MACROD2: variants seen among roughly 807,000 people sequenced by gnomAD.
The protein encoded by MACROD2 is mono-ADP ribosylhydrolase 2.
A neutral mutation model predicts 70.4 loss-of-function variants in MACROD2; 36 were observed. The observed-to-expected ratio is 0.51, with a 90% CI of 0.39 to 0.68. The LOEUF (loss-of-function observed/expected upper bound fraction) is 0.68. Among genes scored for constraint, MACROD2 ranks in the 30% least tolerant of loss-of-function variants. The probability of loss-of-function intolerance (pLI) is 0.00; values close to 1 mark genes in which losing one functional copy is unlikely to be tolerated. For missense variants in MACROD2, 496 were observed against 538.4 expected, an observed-to-expected ratio of 0.92 and a Z score of 0.78; for synonymous variants, 172 against 178.8, an observed-to-expected ratio of 0.96 and a Z score of 0.30.
chr20:14,005,350 A>G (rs927968487), intron 2 of MACROD2, among the ~76,000 whole-genome samples: 14 of 152,212 alleles, frequency 9.2e-5, no homozygotes, highest in African/African-American at 3.4e-4. Context: ...GTTTATGTTC[A>G]TATTTATTAA....
At chr20:15,098,950 C>A (rs548290936) in intron 5 of MACROD2, among the ~76,000 whole-genome samples, 1 of 152,336 alleles carries the variant, frequency 6.6e-6, no homozygotes, top group Non-Finnish European at 1.5e-5. Context: ...GCCAGAGATT[C>A]ATTTTAGAGA....
chr20:13,995,543 G>C lies in MACROD2; in HGVS notation c.-221G>C, dbSNP rs1228484484. ...CAGGCTCTGAGGTGCTGCTGTGGCGGCGTCCGCGGGGCTGAGGCGGGTGGG... is the reference window on the plus strand; with the variant it reads ...CAGGCTCTGAGGTGCTGCTGTGGCGCCGTCCGCGGGGCTGAGGCGGGTGGG... On this transcript the variant is annotated 5_prime_UTR_variant, in exon 1 of 18. Coordinates refer to ENST00000684519, the MANE Select transcript of MACROD2 (RefSeq NM_001351661.2). This position sits in a 1 kb window ranked among gnomAD's most constrained non-coding sequence, Gnocchi z 4.3. 1.6e-6 allele frequency: 1 copy of C among 632,220 alleles called. No homozygotes were observed. The highest frequency in any genetic ancestry group is 1.8e-5 in the African/African-American group (1 of 55,068). The allele number at this position is 632,220 out of a possible 1,614,324, so 39.2% of individuals were successfully genotyped here. A position where few individuals can be genotyped will look rare whatever the true frequency, so the allele number is the denominator to read the frequency against.
chr20:14,594,344 T>G (rs981331490), intron 4 of MACROD2, among the ~76,000 whole-genome samples: 1 of 152,228 alleles, frequency 6.6e-6, no homozygotes, highest in Non-Finnish European at 1.5e-5. Context: ...TACAAGGCAT[T>G]TATGGTTTAT....
At chr20:15,918,730 A>T (rs2065356878) in intron 10 of MACROD2, among the ~76,000 whole-genome samples, 1 of 152,222 alleles carries the variant, frequency 6.6e-6, no homozygotes, top group South Asian at 2.1e-4. Context: ...TTGCTGTAAG[A>T]TTGTTCTCCT....
At chr20:14,838,197 C>T (rs1036148605) in intron 5 of MACROD2, among the ~76,000 whole-genome samples, 2 of 151,932 alleles carry the variant, frequency 1.3e-5, no homozygotes, top group African/African-American at 4.8e-5. Context: ...TGTCAGGAAC[C>T]ATTAAATTCA....
At chr20:14,015,480 A>G (rs1001646870) in intron 2 of MACROD2, among the ~76,000 whole-genome samples, 2 of 152,222 alleles carry the variant, frequency 1.3e-5, no homozygotes, top group Non-Finnish European at 2.9e-5. Flanking sequence ...AGGAGGCTGA[A>G]GTAGGAGGAT....
At chr20:15,666,989 T>C (rs534780380) in intron 8 of MACROD2, among the ~76,000 whole-genome samples, 9 of 152,318 alleles carry the variant, frequency 5.9e-5, no homozygotes, top group African/African-American at 2.2e-4. Flanking sequence ...GCTGTATTTT[T>C]GTTTTCTTTT....
chr20:14,939,232 A>T (rs1452677947), intron 5 of MACROD2, among the ~76,000 whole-genome samples: 1 of 152,018 alleles, frequency 6.6e-6, no homozygotes, highest in African/African-American at 2.4e-5. Flanking sequence ...TTCAGGTCTT[A>T]TATTTAAGTC....
chr20:14,730,524 TAAACCCAGTGAAACTGTCTTTAAA>T (rs1227417792), intron 5 of MACROD2, among the ~76,000 whole-genome samples: 4 of 152,158 alleles, frequency 2.6e-5, no homozygotes, highest in Non-Finnish European at 5.9e-5. Context: ...AATAGACTTA[TAAACCCAGTGAAACTGTCTTTAAA>T]GAAGGAGAGA....
intron 5 of MACROD2, among the ~76,000 whole-genome samples, chr20:15,224,959 TA>T (rs5840661): frequency 0.2 from 24,822 of 124,458 alleles, 2,577 homozygotes; most frequent in Non-Finnish European, 0.27. Context: ...GACTTTGTCT[TA>T]AAAAAAAAAA....
intron 8 of MACROD2, among the ~76,000 whole-genome samples, chr20:15,506,103 G>A (rs1427378999): frequency 6.6e-6 from 1 of 152,176 alleles, no homozygotes. Flanking sequence ...GCAAGTTGAT[G>A]CCAGCCAAGG....
At chr20:14,174,332 G>A (rs1312984620) in intron 3 of MACROD2, among the ~76,000 whole-genome samples, 7 of 152,090 alleles carry the variant, frequency 4.6e-5, no homozygotes, top group East Asian at 1.9e-4. Flanking sequence ...CTTCTTGGGC[G>A]GGTCTTGCTG....
intron 13 of MACROD2, among the ~76,000 whole-genome samples, chr20:15,979,942 G>A (rs1601259374): frequency 6.6e-6 from 1 of 152,130 alleles, no homozygotes; most frequent in Admixed American, 6.5e-5. Flanking sequence ...TCAGCTGGGA[G>A]CATCGACAAG....
intron 8 of MACROD2, among the ~76,000 whole-genome samples, chr20:15,711,188 A>G (rs1401634672): frequency 6.6e-6 from 1 of 152,154 alleles, no homozygotes; most frequent in African/African-American, 2.4e-5. Context: ...GGTGTGGGTG[A>G]GGTGAATTAA....
chr20:14,720,032 G>A (rs942177187), intron 5 of MACROD2, among the ~76,000 whole-genome samples: 2 of 152,108 alleles, frequency 1.3e-5, no homozygotes, highest in Non-Finnish European at 2.9e-5. Context: ...CTGCTTTGTA[G>A]ACCACTTTCT....
intron 5 of MACROD2, among the ~76,000 whole-genome samples, chr20:14,904,150 G>A (rs1455226577): frequency 6.6e-6 from 1 of 152,120 alleles, no homozygotes; most frequent in Non-Finnish European, 1.5e-5. Flanking sequence ...GCTCCTGAAT[G>A]GGTTACAAAG....
intron 4 of MACROD2, among the ~76,000 whole-genome samples, chr20:14,499,271 C>G (rs1480226799): frequency 6.6e-6 from 1 of 152,132 alleles, no homozygotes; most frequent in Non-Finnish European, 1.5e-5. Flanking sequence ...TGGCTCATGC[C>G]TGTAATTTCA....
At chr20:14,162,330 G>A (rs539215335) in intron 3 of MACROD2, among the ~76,000 whole-genome samples, 2 of 152,158 alleles carry the variant, frequency 1.3e-5, no homozygotes, top group African/African-American at 4.8e-5. Flanking sequence ...CTTATGAGAA[G>A]AACATTTATT....
At chr20:15,250,445 A>G (rs2077145365) in intron 6 of MACROD2, among the ~76,000 whole-genome samples, 1 of 152,144 alleles carries the variant, frequency 6.6e-6, no homozygotes, top group East Asian at 1.9e-4. Context: ...TTTTATTGGG[A>G]TTATGTCCAT....
Sources: allele counts gnomAD v4.1 joint callset (sites outside exome capture counted in the v4.1 genomes callset), GRCh38; gene constraint gnomAD v4.1.1; non-coding constraint Gnocchi (gnomAD v3.1); transcripts MANE v1.5; gene names NCBI Gene and HGNC (gene_info 2026-07-23, HGNC 2026-07-21).